The following SBF2 variants were observed in gnomAD, a reference collection of about 807,000 sequenced individuals.
SBF2 encodes the protein myotubularin-related protein 13.
In SBF2, 112 loss-of-function variants were observed where a neutral mutation model predicts 225.2. The ratio of observed to expected loss-of-function variants is 0.50; its 90% CI spans 0.43 to 0.58. The LOEUF is 0.58. Among genes scored for constraint, SBF2 ranks in the 20% least tolerant of loss-of-function variants. The pLI is 0.00. For missense variants in SBF2, 1,996 were observed against 2,206.2 expected, an observed-to-expected ratio of 0.90 and a Z score of 1.91; for synonymous variants, 763 against 773.3, an observed-to-expected ratio of 0.99 and a Z score of 0.22.
At chr11:10,246,287 C>T (rs1959783087) in intron 1 of SBF2, among the ~76,000 whole-genome samples, 1 of 152,040 alleles carries the variant, frequency 6.6e-6, no homozygotes, top group Non-Finnish European at 1.5e-5. Flanking sequence ...TTCTTTCTTT[C>T]TTTTTTGTGT....
chr11:9,945,782 G>C (rs1348712956), intron 16 of SBF2, among the ~76,000 whole-genome samples: 1 of 152,128 alleles, frequency 6.6e-6, no homozygotes, highest in Admixed American at 6.5e-5. Flanking sequence ...GACATGAACA[G>C]ACACTTCTCA....
At chr11:9,959,570 G>A in intron 16 of SBF2, 1 of 771,314 alleles carries the variant, frequency 1.3e-6, no homozygotes, top group South Asian at 1.3e-5. Context: ...ATGGCAGCAG[G>A]CATGAGATAC....
intron 2 of SBF2, among the ~76,000 whole-genome samples, chr11:10,143,443 C>T (rs1270077692): frequency 2.0e-5 from 3 of 152,060 alleles, no homozygotes; most frequent in African/African-American, 4.8e-5. Flanking sequence ...TGAATTTTTA[C>T]CTATAAAATG....
At chr11:9,913,318 T>A (rs1862803639) in intron 16 of SBF2, among the ~76,000 whole-genome samples, 1 of 152,044 alleles carries the variant, frequency 6.6e-6, no homozygotes, top group East Asian at 1.9e-4. Flanking sequence ...CCAAGAGACA[T>A]GAAAAATTGC....
intron 2 of SBF2, among the ~76,000 whole-genome samples, chr11:10,151,593 A>G (rs896551746): frequency 1.3e-5 from 2 of 152,362 alleles, no homozygotes; most frequent in East Asian, 1.9e-4. Context: ...ATCTCTGTTC[A>G]TTTTAACTTA....
intron 2 of SBF2, among the ~76,000 whole-genome samples, chr11:10,118,140 G>C (rs1244952592): frequency 6.6e-6 from 1 of 152,100 alleles, no homozygotes; most frequent in Non-Finnish European, 1.5e-5. Context: ...CACAATCCCA[G>C]ATATTTGAAG....
rs369667442 is a variant in SBF2 at position 10,146,230 on chromosome 11, T to C, written c.141+47672A>G. Reference sequence around the variant, plus strand: ...AAAACTAGAAAAAACATTTTAAAATTCATATGGAACCAAAAAAGGGCCAGA... The same window carrying C: ...AAAACTAGAAAAAACATTTTAAAATCCATATGGAACCAAAAAAGGGCCAGA... On this transcript the variant is annotated intron_variant, in intron 2 of 39. Transcript: ENST00000256190. 7.9e-5 allele frequency among the ~76,000 whole-genome samples: 12 copies of C among 152,238 alleles called. 1 individual carries two copies. In the South Asian group the frequency reaches 2.5e-3, roughly 32 times the overall value.
At chr11:10,122,247 A>C (rs1209293004) in intron 2 of SBF2, among the ~76,000 whole-genome samples, 1 of 152,218 alleles carries the variant, frequency 6.6e-6, no homozygotes, top group Non-Finnish European at 1.5e-5. Context: ...TTACAGCTAC[A>C]GTGTATATAG....
intron 2 of SBF2, among the ~76,000 whole-genome samples, chr11:10,144,146 T>C (rs1954780617): frequency 6.6e-6 from 1 of 152,214 alleles, no homozygotes; most frequent in African/African-American, 2.4e-5. Context: ...CATTACTTAA[T>C]ATATGCACGT....
chr11:9,828,629 A>G (rs1163527052), intron 28 of SBF2: 52 of 985,298 alleles, frequency 5.3e-5, no homozygotes, highest in Non-Finnish European at 6.3e-5. Context: ...CCATCACATG[A>G]TAACTGAAAC....
chr11:9,825,915 C>G lies in SBF2; in HGVS notation c.3793+3441G>C, dbSNP rs187476625. ...AACCAGTATAGATGAACAGACTGAT[C>G]TTTTTCTTCAGAGGGGTTTATATTA... On this transcript the variant is annotated intron_variant, in intron 28 of 39. Transcript: ENST00000256190. Among the ~76,000 whole-genome samples, 583 of 152,292 alleles carry G rather than the reference C, an allele frequency of 3.8e-3. 2 individuals are homozygous for G. Among genetic ancestry groups the G allele is most frequent in the Middle Eastern group, 0.01 (3 of 294 alleles).
intron 2 of SBF2, among the ~76,000 whole-genome samples, chr11:10,124,071 T>C (rs1290602958): frequency 1.3e-5 from 2 of 152,196 alleles, no homozygotes; most frequent in African/African-American, 4.8e-5. Flanking sequence ...ACTTTTATTT[T>C]AGATTGCCTT....
At chr11:9,886,834 G>C (rs1325104121) in intron 17 of SBF2, among the ~76,000 whole-genome samples, 4 of 151,584 alleles carry the variant, frequency 2.6e-5, no homozygotes. Flanking sequence ...TTCCTCCTTG[G>C]GTCACCAGGA....
chr11:10,005,192 C>T, intron 6 of SBF2, among the ~76,000 whole-genome samples: 1 of 152,194 alleles, frequency 6.6e-6, no homozygotes, highest in African/African-American at 2.4e-5. Context: ...CGAGCGGGCT[C>T]ATGCCTGTGT....
chr11:10,006,279 T>C (rs1948186484), intron 6 of SBF2, among the ~76,000 whole-genome samples: 1 of 152,236 alleles, frequency 6.6e-6, no homozygotes. Flanking sequence ...GGCTCCCTTG[T>C]GGCTATCTAG....
rs1166081188 is a variant in SBF2 at position 9,974,960 on chromosome 11, C to CAAA, written c.1396-6418_1396-6416dup. On this transcript the variant is annotated intron_variant, in intron 13 of 39. Transcript: ENST00000256190. ...GGGCAACAACAGCGAAACTTTGACT[C>CAAA]AAAAAAAAAAAAAAAAAAAAAAAAA... 2.3e-3 allele frequency among the ~76,000 whole-genome samples: 53 copies of CAAA among 23,256 alleles called. 13 individuals carry two copies. The highest frequency in any genetic ancestry group is 3.5e-3 in the African/African-American group (30 of 8,518). The allele number at this position is 23,256 out of a possible 152,430, so 15.3% of individuals were successfully genotyped here. A position where few individuals can be genotyped will look rare whatever the true frequency, so the allele number is the denominator to read the frequency against.
At chr11:10,270,450 A>G (rs1962380206) in intron 1 of SBF2, among the ~76,000 whole-genome samples, 1 of 152,248 alleles carries the variant, frequency 6.6e-6, no homozygotes, top group Non-Finnish European at 1.5e-5. Flanking sequence ...GAAGCAGATC[A>G]TCACAAAGGT....
intron 2 of SBF2, among the ~76,000 whole-genome samples, chr11:10,125,760 T>C (rs932099420): frequency 6.6e-6 from 1 of 152,228 alleles, no homozygotes; most frequent in Non-Finnish European, 1.5e-5. Flanking sequence ...CAGGACACTA[T>C]ACTGCATTTA....
At chr11:10,280,544 T>C (rs1187909125) in intron 1 of SBF2, among the ~76,000 whole-genome samples, 1 of 152,158 alleles carries the variant, frequency 6.6e-6, no homozygotes. Flanking sequence ...ATACAAAAAA[T>C]AGTCTTTTTA....
Sources: gnomAD v4.1 joint callset for allele counts (sites outside exome capture counted in the v4.1 genomes callset) on GRCh38, gnomAD v4.1.1 for gene constraint, MANE v1.5 for transcripts, NCBI Gene and HGNC (gene_info 2026-07-23, HGNC 2026-07-21) for gene names.